The following FHIT variants were observed in gnomAD, a reference collection of about 807,000 sequenced individuals.
FHIT encodes the protein bis(5'-adenosyl)-triphosphatase.
A neutral mutation model predicts 17.9 loss-of-function variants in FHIT; 19 were observed. The ratio of observed to expected loss-of-function variants is 1.06; its 90% confidence interval spans 0.74 to 1.56. The LOEUF (loss-of-function observed/expected upper bound fraction) is 1.56. Ranked by LOEUF, FHIT falls within the 40% of genes most tolerant of loss-of-function variation. FHIT has a pLI of 0.00. For missense variants in FHIT, 248 were observed against 189.2 expected, an observed-to-expected ratio of 1.31 and a Z score of -1.82; for synonymous variants, 81 against 69.7, an observed-to-expected ratio of 1.16 and a Z score of -0.81.
chr3:60,904,775 A>C (rs1345023117), intron 3 of FHIT, among the ~76,000 whole-genome samples: 1 of 151,848 alleles, frequency 6.6e-6, no homozygotes, highest in South Asian at 2.1e-4. Flanking sequence ...CCCCATCTCT[A>C]CTAAAAATAC....
intron 5 of FHIT, among the ~76,000 whole-genome samples, chr3:60,368,205 A>T (rs547356284): frequency 1.1e-3 from 170 of 151,414 alleles, no homozygotes; most frequent in Middle Eastern, 3.4e-3. Flanking sequence ...TAAAAAAAAA[A>T]AAAAAAAGAA....
chr3:60,670,718 A>C (rs555401487), intron 4 of FHIT, among the ~76,000 whole-genome samples: 1 of 152,314 alleles, frequency 6.6e-6, no homozygotes, highest in East Asian at 1.9e-4. Flanking sequence ...GTTCTCTTCA[A>C]ATCTTACCTA....
intron 2 of FHIT, among the ~76,000 whole-genome samples, chr3:61,147,875 T>A (rs1020904417): frequency 2.0e-5 from 3 of 152,004 alleles, no homozygotes; most frequent in African/African-American, 7.2e-5. Context: ...CTAGCTACAA[T>A]TGACATTATC....
At chr3:60,757,402 T>C (rs1553718572) in intron 4 of FHIT, among the ~76,000 whole-genome samples, 1 of 152,118 alleles carries the variant, frequency 6.6e-6, no homozygotes, top group East Asian at 1.9e-4. Context: ...CCATTTATGG[T>C]TTGTGATAAA....
At chr3:60,882,708 T>A (rs1476109020) in intron 3 of FHIT, among the ~76,000 whole-genome samples, 1 of 152,020 alleles carries the variant, frequency 6.6e-6, no homozygotes, top group Non-Finnish European at 1.5e-5. Context: ...ATAGAATAAG[T>A]GCACCTCAAC....
rs141487713 is a variant in FHIT, at chr3:59,767,265, G to A, written c.349-14944C>T. Reference sequence around the variant, plus strand: ...TGTAATCCCAGCACTTTCGGAGGCTGAGGCAGGTGGATCACCTGAGGTCAG... The same window carrying A: ...TGTAATCCCAGCACTTTCGGAGGCTAAGGCAGGTGGATCACCTGAGGTCAG... On this transcript the variant is annotated intron_variant, in intron 8 of 9. Transcript: ENST00000492590. Among the ~76,000 whole-genome samples the A allele has an allele frequency of 5.5e-4, 83 of 152,292 alleles. No individual in the cohort carries two copies. In the East Asian group the frequency reaches 0.015, roughly 28 times the overall value.
At chr3:60,103,043 T>C (rs1283435337) in intron 5 of FHIT, among the ~76,000 whole-genome samples, 1 of 152,198 alleles carries the variant, frequency 6.6e-6, no homozygotes. Context: ...ATTATGAAGC[T>C]TAAGACCCCA....
intron 3 of FHIT, among the ~76,000 whole-genome samples, chr3:60,978,937 T>C (rs1304199606): frequency 6.6e-6 from 1 of 152,222 alleles, no homozygotes; most frequent in East Asian, 1.9e-4. Context: ...CCATTTCGAA[T>C]ACTTTTCTGA....
chr3:60,217,518 A>C (rs1419794996), intron 5 of FHIT, among the ~76,000 whole-genome samples: 2 of 152,184 alleles, frequency 1.3e-5, no homozygotes. Context: ...TATTTTATTG[A>C]AGTGCAAATT....
At chr3:60,753,865 C>T (rs1211931180) in intron 4 of FHIT, among the ~76,000 whole-genome samples, 1 of 151,894 alleles carries the variant, frequency 6.6e-6, no homozygotes, top group Non-Finnish European at 1.5e-5. Flanking sequence ...GGCTGCTTTA[C>T]AATTTCCATA....
At chr3:60,857,675 A>C (rs2106942714) in intron 3 of FHIT, among the ~76,000 whole-genome samples, 1 of 152,346 alleles carries the variant, frequency 6.6e-6, no homozygotes, top group East Asian at 1.9e-4. Context: ...TCATGCCTGT[A>C]ATCCCAACTT....
intron 5 of FHIT, among the ~76,000 whole-genome samples, chr3:60,039,980 T>A (rs1701369774): frequency 6.6e-6 from 1 of 152,152 alleles, no homozygotes; most frequent in Non-Finnish European, 1.5e-5. Context: ...GAGCCAAATA[T>A]ATGCCAGGTA....
chr3:60,076,984 T>C (rs1399531269), intron 5 of FHIT, among the ~76,000 whole-genome samples: 1 of 151,792 alleles, frequency 6.6e-6, no homozygotes, highest in Non-Finnish European at 1.5e-5. Context: ...CAAAGGAGAG[T>C]TGGACTGTAT....
chr3:60,097,758 C>T (rs1704018455), intron 5 of FHIT, among the ~76,000 whole-genome samples: 1 of 150,722 alleles, frequency 6.6e-6, no homozygotes, highest in African/African-American at 2.4e-5. Flanking sequence ...TACATGTGCA[C>T]AATGTGCAGG....
At chr3:59,998,001 A>G (rs1699585022) in intron 7 of FHIT, among the ~76,000 whole-genome samples, 1 of 152,172 alleles carries the variant, frequency 6.6e-6, no homozygotes, top group African/African-American at 2.4e-5. Flanking sequence ...AGGGATAATT[A>G]GGACAGTTAG....
intron 5 of FHIT, among the ~76,000 whole-genome samples, chr3:60,331,077 G>T (rs1008541890): frequency 6.6e-6 from 1 of 152,140 alleles, no homozygotes; most frequent in African/African-American, 2.4e-5. Context: ...TGAAGGTCTT[G>T]TGCAATCTTA....
chr3:60,124,041 G>GAGAGACAGAGAGAGAGAGAGAC lies in FHIT; in HGVS notation c.104-109890_104-109889insGTCTCTCTCTCTCTCTGTCTCT, dbSNP rs1553691003. Among the ~76,000 whole-genome samples, 49 of 47,654 alleles carry GAGAGACAGAGAGAGAGAGAGAC rather than the reference G, an allele frequency of 1.0e-3. 3 individuals are homozygous for GAGAGACAGAGAGAGAGAGAGAC. The highest frequency in any genetic ancestry group is 1.6e-3 in the Non-Finnish European group (37 of 23,402). 31.3% of individuals were successfully genotyped at this position (47,654 alleles called of 152,430 possible). On this transcript the variant is annotated intron_variant, in intron 5 of 9. Transcript: ENST00000492590. ...AGAGAGAGAGAGAGAGAGAGAGAGA[G>GAGAGACAGAGAGAGAGAGAGAC]AGAGAGAGAGAGAGACAGAGAGAGA... is the stretch of plus-strand genomic sequence containing the variant.
At chr3:59,880,182 C>T (rs1230587455) in intron 8 of FHIT, among the ~76,000 whole-genome samples, 1 of 152,098 alleles carries the variant, frequency 6.6e-6, no homozygotes, top group South Asian at 2.1e-4. Context: ...CCTGCCTGTC[C>T]CCTCTGCTCG....
intron 3 of FHIT, among the ~76,000 whole-genome samples, chr3:60,858,351 T>C (rs888313252): frequency 7.2e-5 from 11 of 152,112 alleles, no homozygotes; most frequent in African/African-American, 2.7e-4. Flanking sequence ...TCACTGAGAA[T>C]TGTGTGCTAT....
Sources: allele counts gnomAD v4.1 joint callset (sites outside exome capture counted in the v4.1 genomes callset), GRCh38; gene constraint gnomAD v4.1.1; transcripts MANE v1.5; gene names NCBI Gene and HGNC (gene_info 2026-07-23, HGNC 2026-07-21).